Variants in KIT observed in about 807,000 individuals in gnomAD.
KIT encodes the protein mast/stem cell growth factor receptor Kit.
KIT carries 16 observed loss-of-function variants against 105.7 expected under a neutral mutation model. The ratio of observed to expected loss-of-function variants is 0.15; its 90% CI spans 0.10 to 0.23. The LOEUF (loss-of-function observed/expected upper bound fraction) is 0.23, where lower values mean the gene tolerates loss of function less well. Ranked by LOEUF, KIT falls within the 10% of genes least tolerant of loss-of-function variation. The pLI is 1.00. For synonymous variants in KIT, 438 were observed against 441.1 expected (o/e 0.99, Z 0.09); for missense variants, 858 against 1,213.8 (o/e 0.71, Z 4.36).
intron 1 of KIT, among the ~76,000 whole-genome samples, chr4:54,684,512 C>T (rs943248584): frequency 2.6e-5 from 4 of 152,128 alleles, no homozygotes; most frequent in Non-Finnish European, 4.4e-5. Flanking sequence ...TCTTTATTGC[C>T]ATCTTCCTCT....
chr4:54,732,805 T>C (rs1355231612), intron 16 of KIT, among the ~76,000 whole-genome samples: 1 of 152,170 alleles, frequency 6.6e-6, no homozygotes, highest in Non-Finnish European at 1.5e-5. Context: ...CTTATGTATT[T>C]CCCTATGAAT....
chr4:54,678,290 C>CTCCTTCCTTCCTTCCTTCCT (rs55800200), intron 1 of KIT, among the ~76,000 whole-genome samples: 2 of 101,640 alleles, frequency 2.0e-5, no homozygotes, highest in African/African-American at 4.6e-5. Context: ...GGCTGGCTCG[C>CTCCTTCCTTCCTTCCTTCCT]TCCTTCCTTC....
At chr4:54,721,827 C>T (rs981352850) in intron 7 of KIT, among the ~76,000 whole-genome samples, 10 of 152,076 alleles carry the variant, frequency 6.6e-5, no homozygotes, top group Admixed American at 5.9e-4. Flanking sequence ...GAATTCCCTG[C>T]GCATTGGGTT....
At chr4:54,726,139 A>T in intron 9 of KIT, 89 bp downstream of exon 9, 2 of 1,078,696 alleles carry the variant, frequency 1.9e-6, no homozygotes, top group Non-Finnish European at 2.8e-6. Context: ...AACATTGACC[A>T]TGTCATTTCT....
intron 1 of KIT, among the ~76,000 whole-genome samples, chr4:54,669,236 T>C (rs1255463477): frequency 6.6e-6 from 1 of 150,780 alleles, no homozygotes; most frequent in African/African-American, 2.4e-5. Context: ...TTTTTTAAAA[T>C]AAACCAGCAT....
chr4:54,658,884 T>G lies in KIT; in HGVS notation c.67+803T>G, dbSNP rs535953895. ...CTCGCCCCTTTCTGCCGCGGCGCCG[T>G]TTCATTCCTGCCGCGCGCCCCGGGG... On this transcript the variant is annotated intron_variant, in intron 1 of 20. Transcript: ENST00000288135. Among the ~76,000 whole-genome samples, 4 of 152,210 alleles carry G rather than the reference T, an allele frequency of 2.6e-5. No individual in the cohort carries two copies. In the South Asian group the frequency reaches 8.3e-4, roughly 32 times the overall value.
chr4:54,698,200 G>A (rs757133455), intron 2 of KIT, 84 bp from the exon 3 acceptor site: 3 of 1,402,536 alleles, frequency 2.1e-6, no homozygotes, highest in Non-Finnish European at 2.0e-6. Flanking sequence ...AGTCATGAAA[G>A]GCAACATATT....
chr4:54,727,374 T>C, intron 10 of KIT, 42 bp from the exon 11 acceptor site: 1 of 1,614,020 alleles, frequency 6.2e-7, no homozygotes, highest in Non-Finnish European at 8.5e-7. Flanking sequence ...ACTGAGACAA[T>C]AATTATTAAA....
intron 1 of KIT, among the ~76,000 whole-genome samples, chr4:54,671,895 A>C (rs1393977737): frequency 6.6e-6 from 1 of 152,220 alleles, no homozygotes; most frequent in Non-Finnish European, 1.5e-5. Flanking sequence ...ATTGGGAAGC[A>C]TGTCTCAAGC....
chr4:54,739,849 G>A lies in KIT; in HGVS notation c.*1292G>A, dbSNP rs1409723714. 1 of 233,338 alleles carries A rather than the reference G, an allele frequency of 4.3e-6. No homozygotes were observed. Among genetic ancestry groups the A allele is most frequent in the Non-Finnish European group, 8.5e-6 (1 of 117,962 alleles). 14.5% of individuals were successfully genotyped at this position (233,338 alleles called of 1,614,324 possible). A position where few individuals can be genotyped will look rare whatever the true frequency, so the allele number is the denominator to read the frequency against. On this transcript the variant is annotated 3_prime_UTR_variant, in exon 21 of 21. Transcript: ENST00000288135. Reference sequence around the variant, plus strand: ...CATAGTGGTGCAGAGGAAGTGGAAGGCATCAGTCCCTATGTATTTGCAGTT... The same window carrying A: ...CATAGTGGTGCAGAGGAAGTGGAAGACATCAGTCCCTATGTATTTGCAGTT...
intron 4 of KIT, among the ~76,000 whole-genome samples, chr4:54,702,192 C>T (rs139529510): frequency 0.011 from 1,652 of 151,960 alleles, 20 homozygotes; most frequent in Non-Finnish European, 0.011. Context: ...ATAATTCCAC[C>T]GTCATAGATA....
Position 54,727,669 on chromosome 4 carries a change from C to T in KIT, c.1774+127C>T, listed in dbSNP as rs987422279. 3.6e-6 allele frequency: 5 copies of T among 1,373,632 alleles called. No individual in the cohort carries two copies. The African/African-American group carries it at 7.2e-5, about 20-fold the overall frequency. 85.1% of individuals were successfully genotyped at this position (1,373,632 alleles called of 1,614,324 possible). A position where few individuals can be genotyped will look rare whatever the true frequency, so the allele number is the denominator to read the frequency against. On this transcript the variant is annotated intron_variant, in intron 11 of 20. Transcript: ENST00000288135. ...AATGAGTTTTCTGTGAAATTGCGCC[C>T]CTTTTGATAGGTTTGCCATAGAGAA...
chr4:54,730,181 C>T (rs572718040), intron 14 of KIT, among the ~76,000 whole-genome samples: 1 of 152,262 alleles, frequency 6.6e-6, no homozygotes, highest in Non-Finnish European at 1.5e-5. Context: ...TTTGGAAATG[C>T]TCTTAAGGGC....
rs909442534 is a variant in KIT, at chr4:54,739,172, G to C, written c.*615G>C. On this transcript the variant is annotated 3_prime_UTR_variant, in exon 21 of 21. Transcript: ENST00000288135. ...ATACTACCGACCTGGTTTTTAAATA[G>C]AGTTTGCTATTAGAGCATTGAATTG... 5 of 310,514 alleles carry C rather than the reference G, an allele frequency of 1.6e-5. No homozygotes were observed. Among genetic ancestry groups the C allele is most frequent in the Non-Finnish European group, 2.9e-5 (5 of 169,654 alleles). The allele number at this position is 310,514 out of a possible 1,614,324, so 19.2% of individuals were successfully genotyped here. A position where few individuals can be genotyped will look rare whatever the true frequency, so the allele number is the denominator to read the frequency against.
intron 7 of KIT, among the ~76,000 whole-genome samples, chr4:54,721,966 G>A (rs1387030510): frequency 6.6e-6 from 1 of 152,106 alleles, no homozygotes; most frequent in African/African-American, 2.4e-5. Context: ...TAGATATTCT[G>A]ATTATAAAAT....
chr4:54,695,854 T>G (rs1720031395), intron 2 of KIT, 73 bp downstream of exon 2: 2 of 1,559,054 alleles, frequency 1.3e-6, no homozygotes, highest in South Asian at 2.2e-5. Flanking sequence ...GGATGACATA[T>G]GGATGACTGA....
chr4:54,684,654 C>T (rs1421454149), intron 1 of KIT, among the ~76,000 whole-genome samples: 4 of 152,176 alleles, frequency 2.6e-5, no homozygotes, highest in African/African-American at 9.7e-5. Context: ...CCCCCAAACT[C>T]CTCCCTGACA....
intron 5 of KIT, among the ~76,000 whole-genome samples, chr4:54,706,420 A>C (rs1056791486): frequency 1.3e-5 from 2 of 151,998 alleles, no homozygotes; most frequent in African/African-American, 4.8e-5. Flanking sequence ...TCTACATTTT[A>C]TTCTCCTTTT....
chr4:54,735,279 G>A (rs1289561606), intron 17 of KIT, among the ~76,000 whole-genome samples: 1 of 151,338 alleles, frequency 6.6e-6, no homozygotes, highest in Non-Finnish European at 1.5e-5. Context: ...AGCCCTTATA[G>A]GAACTTTAGC....
Sources: allele counts gnomAD v4.1 joint callset (sites outside exome capture counted in the v4.1 genomes callset), GRCh38; gene constraint gnomAD v4.1.1; transcripts MANE v1.5; gene names NCBI Gene and HGNC (gene_info 2026-07-23, HGNC 2026-07-21).